NRDC: variants seen among roughly 807,000 people sequenced by gnomAD.
NRDC encodes the protein nardilysin.
Under a neutral mutation model 147.1 loss-of-function variants are expected in NRDC, and 54 were observed. The ratio of observed to expected loss-of-function variants is 0.37; its 90% CI spans 0.29 to 0.46. The LOEUF (loss-of-function observed/expected upper bound fraction) is 0.46. Ranked by LOEUF, NRDC falls within the 20% of genes least tolerant of loss-of-function variation. The pLI, the probability that NRDC is intolerant of heterozygous loss-of-function variation, is 1.00. For missense variants in NRDC, 1,082 were observed against 1,370.6 expected, an observed-to-expected ratio of 0.79 and a Z score of 3.33; for synonymous variants, 440 against 482.1, an observed-to-expected ratio of 0.91 and a Z score of 1.14.
At chr1:51,795,887 A>G (rs1357159001) in intron 22 of NRDC, among the ~76,000 whole-genome samples, 1 of 151,908 alleles carries the variant, frequency 6.6e-6, no homozygotes, top group Non-Finnish European at 1.5e-5. Flanking sequence ...TTCTTTAAAC[A>G]AACAAAAAAA....
intron 1 of NRDC, among the ~76,000 whole-genome samples, chr1:51,866,838 T>C (rs1682833651): frequency 6.6e-6 from 1 of 152,048 alleles, no homozygotes; most frequent in Admixed American, 6.6e-5. Flanking sequence ...TAGTACGGTA[T>C]ATACATGAAA....
rs763887112 is a variant in NRDC at position 51,794,462 on chromosome 1, C to A, written c.2775+10G>T. The A allele has an allele frequency of 6.2e-7, 1 of 1,613,494 alleles. No individual in the cohort carries two copies. The highest frequency in any genetic ancestry group is 1.1e-5 in the South Asian group (1 of 91,066). ...GGGCCTTCCGCCAGTCTTTAGTACA[C>A]CCAACTGACCTGGTAGTACACAGTG... On this transcript the variant is annotated intron_variant, in intron 24 of 30. Transcript: ENST00000352171.
intron 19 of NRDC, among the ~76,000 whole-genome samples, chr1:51,804,778 C>T (rs551288786): frequency 5.9e-5 from 9 of 152,062 alleles, no homozygotes; most frequent in African/African-American, 1.9e-4. Context: ...AGATACATTT[C>T]CCAAGTATCT....
At chr1:51,859,972 T>C in intron 1 of NRDC, 1 of 188,790 alleles carries the variant, frequency 5.3e-6, no homozygotes, top group Non-Finnish European at 1.2e-5. Flanking sequence ...ACTGCTTCCC[T>C]CAGCCATAAC....
chr1:51,830,228 G>A (rs1680647796), intron 4 of NRDC, among the ~76,000 whole-genome samples: 1 of 152,032 alleles, frequency 6.6e-6, no homozygotes. Flanking sequence ...CTCCCAAAGT[G>A]CTGAGATTAC....
At position 51,834,302 on chromosome 1, in the gene NRDC, C is replaced by CT. The variant is rs565421442; in HGVS notation, c.713-133dup. The CT allele has an allele frequency of 9.0e-3, 7,701 of 852,452 alleles. 1 individual carries two copies. Among genetic ancestry groups the CT allele is most frequent in the Non-Finnish European group, 0.01 (5,734 of 571,922 alleles). The allele number at this position is 852,452 out of a possible 1,614,324, so 52.8% of individuals were successfully genotyped here. A position where few individuals can be genotyped will look rare whatever the true frequency, so the allele number is the denominator to read the frequency against. On this transcript the variant is annotated intron_variant, in intron 3 of 30. Transcript: ENST00000352171. ...CACATCAAATGGTTATGTCTGAATT[C>CT]TTTTTTTTTTCTTTGAGACAGAGTC...
At chr1:51,792,761 G>A (rs1252814514) in intron 24 of NRDC, among the ~76,000 whole-genome samples, 1 of 152,204 alleles carries the variant, frequency 6.6e-6, no homozygotes. Flanking sequence ...GAAGACAGCA[G>A]GAAATGTTTG....
intron 3 of NRDC, among the ~76,000 whole-genome samples, chr1:51,835,922 T>G (rs1680947481): frequency 6.6e-6 from 1 of 152,238 alleles, no homozygotes; most frequent in African/African-American, 2.4e-5. Context: ...TTTAAAAGTT[T>G]TCTGTGTGGT....
chr1:51,818,346 A>T lies in NRDC; in HGVS notation c.1292-211T>A, dbSNP rs2747525. Reference sequence around the variant, plus strand: ...ATTTGGTTTCAGAGGTAGAGAAAGCAGGGATAAAAGAACTATGAGGATATG... The same window carrying T: ...ATTTGGTTTCAGAGGTAGAGAAAGCTGGGATAAAAGAACTATGAGGATATG... On this transcript the variant is annotated intron_variant, in intron 9 of 30. Coordinates refer to ENST00000352171, the MANE Select transcript of NRDC (RefSeq NM_001101662.2). Among the ~76,000 whole-genome samples, 3 of 151,920 alleles carry T rather than the reference A, an allele frequency of 2.0e-5. No individual in the cohort carries two copies. Among genetic ancestry groups the T allele is most frequent in the Non-Finnish European group, 4.4e-5 (3 of 67,974 alleles).
At chr1:51,843,312 A>G (rs1571893011) in intron 1 of NRDC, among the ~76,000 whole-genome samples, 1 of 1,690 alleles carries the variant, frequency 5.9e-4, no homozygotes, top group Admixed American at 7.9e-3. Flanking sequence ...AAAAAAGGTT[A>G]AAAAAAAAAA....
chr1:51,866,958 A>G (rs564489672), intron 1 of NRDC, among the ~76,000 whole-genome samples: 1 of 152,250 alleles, frequency 6.6e-6, no homozygotes, highest in Non-Finnish European at 1.5e-5. Context: ...ATATATATGT[A>G]TGTTTTATAT....
intron 29 of NRDC, among the ~76,000 whole-genome samples, chr1:51,790,046 C>T (rs1243885807): frequency 6.6e-6 from 1 of 152,158 alleles, no homozygotes; most frequent in East Asian, 1.9e-4. Context: ...ACTAAATAAC[C>T]TCTTTACATC....
chr1:51,827,941 A>G, intron 4 of NRDC, 72 bp from the exon 5 acceptor site: 1 of 1,143,678 alleles, frequency 8.7e-7, no homozygotes, highest in Non-Finnish European at 1.3e-6. Context: ...ATTTTAATTA[A>G]GAAACTTACT....
At chr1:51,813,174 T>C (rs1679808794) in intron 14 of NRDC, among the ~76,000 whole-genome samples, 1 of 152,102 alleles carries the variant, frequency 6.6e-6, no homozygotes, top group South Asian at 2.1e-4. Context: ...TAAGAAGTTA[T>C]ATTAATAAAA....
chr1:51,834,842 C>T (rs187995593), intron 3 of NRDC, among the ~76,000 whole-genome samples: 98 of 152,190 alleles, frequency 6.4e-4, no homozygotes, highest in African/African-American at 2.3e-3. Context: ...TTAACTGCTA[C>T]TGCTGTTACA....
At chr1:51,826,668 C>T (rs1286327120) in intron 5 of NRDC, among the ~76,000 whole-genome samples, 2 of 152,156 alleles carry the variant, frequency 1.3e-5, no homozygotes, top group Non-Finnish European at 1.5e-5. Context: ...AATCCCAGCA[C>T]TCTGGGAGGC....
chr1:51,857,436 T>C (rs895892002), intron 1 of NRDC, among the ~76,000 whole-genome samples: 1 of 152,220 alleles, frequency 6.6e-6, no homozygotes, highest in Admixed American at 6.5e-5. Flanking sequence ...TTGTGAATCA[T>C]TCTTTGCTCA....
At chr1:51,846,791 A>G (rs1166254187) in intron 1 of NRDC, among the ~76,000 whole-genome samples, 1 of 152,212 alleles carries the variant, frequency 6.6e-6, no homozygotes, top group Non-Finnish European at 1.5e-5. Context: ...GGCCCCACCC[A>G]CATCCTGCTG....
At chr1:51,847,268 T>C (rs1681686033) in intron 1 of NRDC, among the ~76,000 whole-genome samples, 1 of 152,136 alleles carries the variant, frequency 6.6e-6, no homozygotes, top group Non-Finnish European at 1.5e-5. Flanking sequence ...CAGCTAGACA[T>C]AAAGGTTCTC....
Sources: gnomAD v4.1 joint callset for allele counts (sites outside exome capture counted in the v4.1 genomes callset) on GRCh38, gnomAD v4.1.1 for gene constraint, MANE v1.5 for transcripts, NCBI Gene and HGNC (gene_info 2026-07-23, HGNC 2026-07-21) for gene names.